Variants in DENND2A observed in about 807,000 individuals in gnomAD.
DENND2A encodes DENN domain containing 2A, also known as DENN domain-containing protein 2A.
In DENND2A, 53 loss-of-function variants were observed where a neutral mutation model predicts 105.3. That is an observed-to-expected ratio of 0.50 (90% confidence interval 0.40 to 0.63). The LOEUF is 0.63. Ranked by LOEUF, DENND2A falls within the 30% of genes least tolerant of loss-of-function variation. The pLI is 0.00. For missense variants in DENND2A, 1,138 were observed against 1,279.6 expected, an observed-to-expected ratio of 0.89 and a Z score of 1.69; for synonymous variants, 522 against 508.4, an observed-to-expected ratio of 1.03 and a Z score of -0.36.
intron 12 of DENND2A, among the ~76,000 whole-genome samples, chr7:140,547,388 G>A (rs1796951010): frequency 6.6e-6 from 1 of 152,190 alleles, no homozygotes; most frequent in Non-Finnish European, 1.5e-5. Flanking sequence ...AATGTCATGG[G>A]AGGGGATAGC....
At chr7:140,522,629 G>A (rs1391698394) in intron 17 of DENND2A, among the ~76,000 whole-genome samples, 1 of 148,954 alleles carries the variant, frequency 6.7e-6, no homozygotes, top group Non-Finnish European at 1.5e-5. Flanking sequence ...TTTTTTTTGA[G>A]ATAGAGTCTT....
At chr7:140,587,539 AGT>A (rs375224965) in intron 4 of DENND2A, 112 bp downstream of exon 4, 3,160 of 1,331,218 alleles carry the variant, frequency 2.4e-3, no homozygotes, top group South Asian at 2.7e-3. Context: ...GGTGTCTTCA[AGT>A]GTGTGTGTGT....
At chr7:140,594,659 A>G (rs920724407) in intron 3 of DENND2A, among the ~76,000 whole-genome samples, 1 of 152,188 alleles carries the variant, frequency 6.6e-6, no homozygotes, top group African/African-American at 2.4e-5. Flanking sequence ...TCATTATTAC[A>G]TTCCTATGTC....
intron 1 of DENND2A, among the ~76,000 whole-genome samples, chr7:140,606,852 A>C (rs184705043): frequency 5.9e-5 from 9 of 152,308 alleles, no homozygotes; most frequent in African/African-American, 1.9e-4. Context: ...TATAAACTGA[A>C]GTAACTGATT....
At chr7:140,536,381 G>A (rs1796456093) in intron 14 of DENND2A, among the ~76,000 whole-genome samples, 1 of 151,838 alleles carries the variant, frequency 6.6e-6, no homozygotes, top group Non-Finnish European at 1.5e-5. Context: ...GAATCTCAGA[G>A]AAACGTGTCT....
At chr7:140,553,899 A>G (rs1797249387) in intron 12 of DENND2A, among the ~76,000 whole-genome samples, 1 of 152,186 alleles carries the variant, frequency 6.6e-6, no homozygotes, top group Admixed American at 6.5e-5. Context: ...ACTTCTTTCT[A>G]CACAGACACA....
intron 2 of DENND2A, among the ~76,000 whole-genome samples, chr7:140,604,839 G>A (rs1238899392): frequency 2.6e-5 from 4 of 152,208 alleles, no homozygotes; most frequent in African/African-American, 9.6e-5. Flanking sequence ...ACTGTGCCTG[G>A]TGCATAGCAG....
intron 5 of DENND2A, among the ~76,000 whole-genome samples, chr7:140,584,417 G>C (rs530914783): frequency 9.2e-5 from 14 of 152,264 alleles, no homozygotes; most frequent in African/African-American, 3.4e-4. Context: ...TTTAGAGAGA[G>C]TGCGCATGTC....
chr7:140,548,367 G>A (rs1408759904), intron 12 of DENND2A, among the ~76,000 whole-genome samples: 3 of 150,962 alleles, frequency 2.0e-5, no homozygotes, highest in Non-Finnish European at 1.5e-5. Flanking sequence ...TTAAAATGCC[G>A]TTTATGAAGC....
intron 14 of DENND2A, among the ~76,000 whole-genome samples, chr7:140,540,578 TG>T (rs1397639830): frequency 2.0e-5 from 3 of 152,208 alleles, no homozygotes; most frequent in Non-Finnish European, 4.4e-5. Context: ...TGCTCATTTT[TG>T]TCTGTCTCTG....
chr7:140,582,106 A>G (rs1412586952), intron 5 of DENND2A, among the ~76,000 whole-genome samples: 5 of 152,022 alleles, frequency 3.3e-5, no homozygotes, highest in Non-Finnish European at 7.4e-5. Context: ...CTGGGATTAC[A>G]GGCACCCGCC....
At chr7:140,591,694 C>CTTCTTTCTTTCTTTCT (rs1563163862) in intron 3 of DENND2A, among the ~76,000 whole-genome samples, 28 of 94,438 alleles carry the variant, frequency 3.0e-4, no homozygotes, top group African/African-American at 1.5e-3. Context: ...TCTTTCTTTC[C>CTTCTTTCTTTCTTTCT]TTCCTTCCTT....
chr7:140,592,861 C>T (rs269240), intron 3 of DENND2A, among the ~76,000 whole-genome samples: 4,414 of 152,166 alleles, frequency 0.029, 60 homozygotes, highest in Middle Eastern at 0.054. Context: ...CCTCAGCCCC[C>T]CAAAGTGCTG....
At chr7:140,572,002 C>G (rs553357617) in intron 6 of DENND2A, among the ~76,000 whole-genome samples, 2 of 141,382 alleles carry the variant, frequency 1.4e-5, no homozygotes, top group South Asian at 2.2e-4. Flanking sequence ...CTCTCTCTCT[C>G]TGTCTCTCTT....
intron 5 of DENND2A, 82 bp from the exon 6 acceptor site, chr7:140,574,090 A>C: frequency 2.0e-6 from 3 of 1,509,708 alleles, no homozygotes; most frequent in Non-Finnish European, 2.8e-6. Flanking sequence ...CAGGGACGAG[A>C]CAATGAAATT....
intron 1 of DENND2A, among the ~76,000 whole-genome samples, chr7:140,627,966 A>G (rs2130732781): frequency 6.6e-6 from 1 of 151,644 alleles, no homozygotes; most frequent in East Asian, 1.9e-4. Flanking sequence ...TAATTTTTGT[A>G]TTTTTAGTAG....
intron 1 of DENND2A, among the ~76,000 whole-genome samples, chr7:140,627,919 G>C (rs1020617066): frequency 6.6e-6 from 1 of 151,704 alleles, no homozygotes; most frequent in African/African-American, 2.4e-5. Flanking sequence ...GGCCTCCTGA[G>C]TAGCTGGAAC....
chr7:140,617,659 A>G (rs1800134112), intron 1 of DENND2A, among the ~76,000 whole-genome samples: 1 of 152,164 alleles, frequency 6.6e-6, no homozygotes, highest in Admixed American at 6.6e-5. Flanking sequence ...GGTTGTAGTG[A>G]GCCAAGATCG....
chr7:140,518,551 C>T lies in DENND2A; in HGVS notation c.*156G>A, dbSNP rs1216263578. The T allele has an allele frequency of 1.5e-6, 1 of 670,340 alleles. No individual in the cohort carries two copies. Among genetic ancestry groups the T allele is most frequent in the African/African-American group, 1.9e-5 (1 of 53,916 alleles). 41.5% of individuals were successfully genotyped at this position (670,340 alleles called of 1,614,324 possible). On this transcript the variant is annotated 3_prime_UTR_variant, in exon 20 of 20. Transcript: ENST00000496613. ...TGTCCTCCCAGGCGGCTCCCAGGTC[C>T]TCATCCAGGGAAGAGCCCAGCCTCG...
Sources: allele counts gnomAD v4.1 joint callset (sites outside exome capture counted in the v4.1 genomes callset), GRCh38; gene constraint gnomAD v4.1.1; transcripts MANE v1.5; gene names NCBI Gene and HGNC (gene_info 2026-07-23, HGNC 2026-07-21).